The following CNTN4 variants were observed in gnomAD, a reference collection of about 807,000 sequenced individuals.
The protein encoded by CNTN4 is contactin-4.
A neutral mutation model predicts 122.5 loss-of-function variants in CNTN4; 77 were observed. The observed-to-expected ratio is 0.63, with a 90% confidence interval of 0.52 to 0.76. The LOEUF (loss-of-function observed/expected upper bound fraction) is 0.76, where lower values mean the gene tolerates loss of function less well. CNTN4 is among the 30% of genes least tolerant of loss of function. The pLI, the probability that CNTN4 is intolerant of heterozygous loss-of-function variation, is 0.00. For missense variants in CNTN4, 1,256 were observed against 1,259.1 expected (o/e 1.00, Z 0.04); for synonymous variants, 512 against 447.0 (o/e 1.15, Z -1.83).
intron 7 of CNTN4, chr3:2,866,491 G>A: frequency 7.6e-7 from 1 of 1,309,204 alleles, no homozygotes; most frequent in South Asian, 1.6e-5. Context: ...CTTAGCCCTT[G>A]ACTTAAAGAG....
intron 2 of CNTN4, among the ~76,000 whole-genome samples, chr3:2,325,845 A>T (rs2043436205): frequency 6.6e-6 from 1 of 152,258 alleles, no homozygotes; most frequent in Admixed American, 6.5e-5. Flanking sequence ...AGAAATAAAA[A>T]TACCTAATTA....
chr3:2,815,978 A>C (rs1189722950), intron 6 of CNTN4, among the ~76,000 whole-genome samples: 1 of 151,986 alleles, frequency 6.6e-6, no homozygotes, highest in East Asian at 1.9e-4. Flanking sequence ...TTCTAAGTGA[A>C]GTAACTCAGG....
chr3:2,990,144 A>T (rs1694930142), intron 14 of CNTN4, among the ~76,000 whole-genome samples: 1 of 152,188 alleles, frequency 6.6e-6, no homozygotes, highest in Non-Finnish European at 1.5e-5. Flanking sequence ...GGCACCTAGG[A>T]AATATTAATA....
intron 13 of CNTN4, among the ~76,000 whole-genome samples, chr3:2,972,904 G>T (rs1332988579): frequency 6.6e-6 from 1 of 151,648 alleles, no homozygotes; most frequent in African/African-American, 2.4e-5. Context: ...TTAATAGTAA[G>T]AGCTTCCTGC....
intron 6 of CNTN4, among the ~76,000 whole-genome samples, chr3:2,776,136 G>A (rs913444249): frequency 1.3e-5 from 2 of 152,280 alleles, no homozygotes; most frequent in African/African-American, 4.8e-5. Flanking sequence ...CTAAAAGAGT[G>A]GAGTCATGGC....
intron 2 of CNTN4, among the ~76,000 whole-genome samples, chr3:2,164,808 G>A (rs546569819): frequency 6.6e-6 from 1 of 152,094 alleles, no homozygotes; most frequent in African/African-American, 2.4e-5. Flanking sequence ...AAAAATGTGC[G>A]TTTTGATACA....
At chr3:2,287,302 G>C (rs978952426) in intron 2 of CNTN4, among the ~76,000 whole-genome samples, 6 of 152,040 alleles carry the variant, frequency 3.9e-5, no homozygotes, top group Non-Finnish European at 1.5e-5. Flanking sequence ...GAAATGGGCT[G>C]TGTATAAAGA....
intron 2 of CNTN4, among the ~76,000 whole-genome samples, chr3:2,145,056 T>C (rs940706732): frequency 6.6e-6 from 1 of 152,134 alleles, no homozygotes; most frequent in African/African-American, 2.4e-5. Context: ...CAGGTGGAGG[T>C]TATCTCTGGT....
At chr3:2,528,826 C>G (rs1206424001) in intron 3 of CNTN4, among the ~76,000 whole-genome samples, 1 of 151,678 alleles carries the variant, frequency 6.6e-6, no homozygotes, top group Non-Finnish European at 1.5e-5. Context: ...TGATTTTTTT[C>G]ACTGAGACAT....
intron 3 of CNTN4, among the ~76,000 whole-genome samples, chr3:2,432,583 TGTGTGTGTATGTGTGTGTGTGC>T (rs1044924742): frequency 1.3e-5 from 2 of 151,946 alleles, no homozygotes; most frequent in South Asian, 2.1e-4. Flanking sequence ...CCACCCTGTG[TGTGTGTGTATGTGTGTGTGTGC>T]GTGTGTGTAT....
intron 3 of CNTN4, among the ~76,000 whole-genome samples, chr3:2,471,008 ACT>A (rs2151501510): frequency 6.6e-6 from 1 of 152,260 alleles, no homozygotes; most frequent in South Asian, 2.1e-4. Context: ...GTTACATAAG[ACT>A]CTGTATACAT....
chr3:2,147,390 A>T (rs1254450029), intron 2 of CNTN4, among the ~76,000 whole-genome samples: 3 of 152,180 alleles, frequency 2.0e-5, no homozygotes, highest in Admixed American at 1.3e-4. Context: ...AAAAAAAAAA[A>T]TTTGCAGTAA....
intron 2 of CNTN4, among the ~76,000 whole-genome samples, chr3:2,286,927 G>A (rs992226366): frequency 6.6e-6 from 1 of 152,160 alleles, no homozygotes; most frequent in African/African-American, 2.4e-5. Flanking sequence ...GCAGATTTCA[G>A]GTTTTGATTG....
At chr3:2,299,478 C>T (rs1055898531) in intron 2 of CNTN4, among the ~76,000 whole-genome samples, 3 of 152,188 alleles carry the variant, frequency 2.0e-5, no homozygotes, top group Non-Finnish European at 2.9e-5. Flanking sequence ...CACCCTCTTT[C>T]TTCTGAATCT....
intron 2 of CNTN4, among the ~76,000 whole-genome samples, chr3:2,223,324 C>T (rs545424748): frequency 1.3e-5 from 2 of 152,256 alleles, no homozygotes; most frequent in East Asian, 3.9e-4. Context: ...CCCTGCTTTT[C>T]CCATGCTTCC....
At chr3:2,349,664 C>G (rs2044533684) in intron 3 of CNTN4, among the ~76,000 whole-genome samples, 1 of 152,080 alleles carries the variant, frequency 6.6e-6, no homozygotes, top group African/African-American at 2.4e-5. Context: ...TATGAAAAAT[C>G]CAAGCTTGTA....
chr3:2,312,469 C>T (rs1322509844), intron 2 of CNTN4, among the ~76,000 whole-genome samples: 1 of 152,030 alleles, frequency 6.6e-6, no homozygotes, highest in Non-Finnish European at 1.5e-5. Flanking sequence ...CTGGTGTAAA[C>T]TTCTTAGTCA....
chr3:3,054,012 GTCTTA>G (rs752433809), intron 24 of CNTN4, 37 bp downstream of exon 24: 60 of 1,606,744 alleles, frequency 3.7e-5, no homozygotes, highest in African/African-American at 3.2e-4. Flanking sequence ...TCTCCTGCCT[GTCTTA>G]TCTTATCAGC....
At chr3:2,980,869 G>A (rs1330992138) in intron 13 of CNTN4, among the ~76,000 whole-genome samples, 2 of 152,134 alleles carry the variant, frequency 1.3e-5, no homozygotes, top group Admixed American at 1.3e-4. Context: ...CATAACTCGT[G>A]GGGAAGCTGG....
Sources: allele counts gnomAD v4.1 joint callset (sites outside exome capture counted in the v4.1 genomes callset), GRCh38; gene constraint gnomAD v4.1.1; transcripts MANE v1.5; gene names NCBI Gene and HGNC (gene_info 2026-07-23, HGNC 2026-07-21).